CAMK1D: variants seen among roughly 807,000 people sequenced by gnomAD.
The protein encoded by CAMK1D is calcium/calmodulin-dependent protein kinase type 1D.
In CAMK1D, 9 loss-of-function variants were observed where a neutral mutation model predicts 47.7. The ratio of observed to expected loss-of-function variants is 0.19; its 90% CI spans 0.11 to 0.33. The LOEUF (loss-of-function observed/expected upper bound fraction) is 0.33. Among genes scored for constraint, CAMK1D ranks in the 10% least tolerant of loss-of-function variants. The probability of loss-of-function intolerance (pLI) is 1.00; values close to 1 mark genes in which losing one functional copy is unlikely to be tolerated. For missense variants in CAMK1D, 291 were observed against 488.7 expected (o/e 0.60, Z 3.81); for synonymous variants, 184 against 184.9 (o/e 0.99, Z 0.04).
rs539018165 is a variant in CAMK1D at position 12,696,819 on chromosome 10, G to A, written c.299+30009G>A. Among the ~76,000 whole-genome samples the A allele has an allele frequency of 4.1e-4, 62 of 152,084 alleles. 1 individual carries two copies. The highest frequency in any genetic ancestry group is 3.4e-4 in the Non-Finnish European group (23 of 68,014). On this transcript the variant is annotated intron_variant, in intron 3 of 10. Coordinates refer to ENST00000619168, the MANE Select transcript of CAMK1D (RefSeq NM_153498.4). ...GCTTTCATAGGAAAATGGGACCTTCGAAGAAAATAGCTTATGAAGATGTGT... is the reference window on the plus strand; with the variant it reads ...GCTTTCATAGGAAAATGGGACCTTCAAAGAAAATAGCTTATGAAGATGTGT...
At chr10:12,740,052 G>T (rs956332117) in intron 3 of CAMK1D, among the ~76,000 whole-genome samples, 9 of 152,170 alleles carry the variant, frequency 5.9e-5, no homozygotes, top group Admixed American at 5.9e-4. Flanking sequence ...AGTAGTTCCT[G>T]TGTGCTGTTT....
At chr10:12,481,919 A>C (rs1030141415) in intron 1 of CAMK1D, among the ~76,000 whole-genome samples, 1 of 152,240 alleles carries the variant, frequency 6.6e-6, no homozygotes, top group African/African-American at 2.4e-5. Flanking sequence ...TCGGGCCTGC[A>C]GTCAGAGCTG....
intron 4 of CAMK1D, among the ~76,000 whole-genome samples, chr10:12,761,972 G>T (rs552914096): frequency 2.0e-5 from 3 of 152,144 alleles, no homozygotes; most frequent in African/African-American, 7.2e-5. Flanking sequence ...CCCTTTCCCC[G>T]TTGGCACAGA....
At chr10:12,527,157 C>T in intron 1 of CAMK1D, among the ~76,000 whole-genome samples, 1 of 151,962 alleles carries the variant, frequency 6.6e-6, no homozygotes, top group South Asian at 2.1e-4. Context: ...GCAGTGTAAC[C>T]TCATGACTGG....
intron 1 of CAMK1D, among the ~76,000 whole-genome samples, chr10:12,420,053 G>A (rs192065723): frequency 1.9e-3 from 283 of 151,878 alleles, no homozygotes; most frequent in African/African-American, 6.4e-3. Flanking sequence ...TCCGCCTCCC[G>A]GGTTCACGCC....
chr10:12,819,179 G>T (rs1248349422), intron 8 of CAMK1D, among the ~76,000 whole-genome samples: 2 of 152,186 alleles, frequency 1.3e-5, no homozygotes, highest in Non-Finnish European at 2.9e-5. Context: ...AGGAGGCTGG[G>T]AGAGGGGCAC....
intron 5 of CAMK1D, among the ~76,000 whole-genome samples, chr10:12,778,016 A>C (rs1588915320): frequency 6.6e-6 from 1 of 152,236 alleles, no homozygotes; most frequent in East Asian, 1.9e-4. Flanking sequence ...GTCTGTTCCC[A>C]GCCTAGCATG....
chr10:12,770,357 C>G (rs938295736), intron 5 of CAMK1D, among the ~76,000 whole-genome samples: 13 of 152,168 alleles, frequency 8.5e-5, no homozygotes. Context: ...GCAGAGGAAA[C>G]TACTGACGGA....
intron 2 of CAMK1D, among the ~76,000 whole-genome samples, chr10:12,594,036 C>T (rs190207415): frequency 1.3e-5 from 2 of 152,250 alleles, no homozygotes; most frequent in East Asian, 3.9e-4. Flanking sequence ...ATTAGCCTGG[C>T]GTGGTGGCAC....
Position 12,831,507 on chromosome 10 carries a change from A to T in CAMK1D, c.*2620A>T, listed in dbSNP as rs1234297019. The T allele has an allele frequency of 6.6e-6, 1 of 152,232 alleles. No homozygotes were observed. The highest frequency in any genetic ancestry group is 1.5e-5 in the Non-Finnish European group (1 of 68,032). The allele number at this position is 152,232 out of a possible 1,614,324, so 9.4% of individuals were successfully genotyped here. A position where few individuals can be genotyped will look rare whatever the true frequency, so the allele number is the denominator to read the frequency against. On this transcript the variant is annotated 3_prime_UTR_variant, in exon 11 of 11. Coordinates refer to ENST00000619168, the MANE Select transcript of CAMK1D (RefSeq NM_153498.4). ...GTGATTGAAGTATTTTCAGGAGCAG[A>T]TACATGTGGTGCATGTTATATGCAC...
At chr10:12,761,739 A>G (rs1389092586) in intron 4 of CAMK1D, among the ~76,000 whole-genome samples, 1 of 152,122 alleles carries the variant, frequency 6.6e-6, no homozygotes, top group African/African-American at 2.4e-5. Context: ...TACAAAAATT[A>G]GCTGGGTGTG....
chr10:12,425,182 C>T (rs750227689), intron 1 of CAMK1D, among the ~76,000 whole-genome samples: 1 of 152,170 alleles, frequency 6.6e-6, no homozygotes, highest in Non-Finnish European at 1.5e-5. Flanking sequence ...CTCCTGGGCA[C>T]CCTCTAGGCC....
chr10:12,549,461 C>T (rs940738551), intron 1 of CAMK1D, among the ~76,000 whole-genome samples: 1 of 152,204 alleles, frequency 6.6e-6, no homozygotes, highest in African/African-American at 2.4e-5. Context: ...CCAATGGATG[C>T]AAGGATTGTT....
At chr10:12,663,607 C>T (rs1283030694) in intron 2 of CAMK1D, among the ~76,000 whole-genome samples, 2 of 152,096 alleles carry the variant, frequency 1.3e-5, no homozygotes, top group African/African-American at 4.8e-5. Flanking sequence ...CTGAGACTGC[C>T]TTTCTTGTGT....
At chr10:12,552,592 T>G (rs1836620823) in intron 1 of CAMK1D, among the ~76,000 whole-genome samples, 1 of 152,186 alleles carries the variant, frequency 6.6e-6, no homozygotes, top group African/African-American at 2.4e-5. Flanking sequence ...GAACCTCTTG[T>G]GGGAGCGTTC....
intron 5 of CAMK1D, among the ~76,000 whole-genome samples, chr10:12,782,849 A>G (rs1837558545): frequency 1.3e-5 from 2 of 152,200 alleles, no homozygotes; most frequent in Non-Finnish European, 2.9e-5. Context: ...AAGACAGGAA[A>G]CTGAGGCATA....
chr10:12,764,868 G>T (rs1236815585), intron 4 of CAMK1D, among the ~76,000 whole-genome samples: 1 of 152,218 alleles, frequency 6.6e-6, no homozygotes, highest in Non-Finnish European at 1.5e-5. Flanking sequence ...GGCTGAGGTA[G>T]ATAGATCGCC....
At chr10:12,641,109 A>G (rs1839653508) in intron 2 of CAMK1D, among the ~76,000 whole-genome samples, 1 of 151,980 alleles carries the variant, frequency 6.6e-6, no homozygotes, top group Non-Finnish European at 1.5e-5. Context: ...AGCTAGGATT[A>G]CAGGAATGTG....
At chr10:12,375,478 A>G (rs1233898266) in intron 1 of CAMK1D, among the ~76,000 whole-genome samples, 1 of 152,148 alleles carries the variant, frequency 6.6e-6, no homozygotes, top group African/African-American at 2.4e-5. Context: ...TCACCTGTTT[A>G]CAGGCCCTTT....
Sources: gnomAD v4.1 joint callset for allele counts (sites outside exome capture counted in the v4.1 genomes callset) on GRCh38, gnomAD v4.1.1 for gene constraint, MANE v1.5 for transcripts, NCBI Gene and HGNC (gene_info 2026-07-23, HGNC 2026-07-21) for gene names.